The following CST6 variants were observed in gnomAD, a reference collection of about 807,000 sequenced individuals.
CST6 encodes cystatin-M.
A neutral mutation model predicts 10.7 loss-of-function variants in CST6; 8 were observed. The observed-to-expected ratio is 0.75, with a 90% CI of 0.44 to 1.34. The LOEUF (loss-of-function observed/expected upper bound fraction) is 1.34, where lower values mean the gene tolerates loss of function less well. Among genes scored for constraint, CST6 ranks in the 40% most tolerant of loss-of-function variants. CST6 has a pLI of 0.01. For synonymous variants in CST6, 100 were observed against 89.3 expected (o/e 1.12, Z -0.68); for missense variants, 206 against 205.1 (o/e 1.00, Z -0.03).
In CST6 at chr11:66,012,011, CACGGCTCTGAGGGCTCCG is replaced by C. The variant is rs750567188; in HGVS notation, c.-28_-11del. On this transcript the variant is annotated 5_prime_UTR_variant, in exon 1 of 3. Transcript: ENST00000312134. Reference sequence around the variant, plus strand: ...GCTGCGCGGCCGCAAGCTCGGCACTCACGGCTCTGAGGGCTCCGACGGCACTGACGGCCATGGCGCGTT... The same window carrying C: ...GCTGCGCGGCCGCAAGCTCGGCACTCACGGCACTGACGGCCATGGCGCGTT... 4.2e-5 allele frequency: 60 copies of C among 1,445,204 alleles called. No individual in the cohort carries two copies. The African/African-American group carries it at 7.1e-4, about 17-fold the overall frequency. 89.5% of individuals were successfully genotyped at this position (1,445,204 alleles called of 1,614,324 possible).
At position 66,013,361 on chromosome 11, in the gene CST6, C is replaced by T. The variant is rs375909485; in HGVS notation, c.411C>T (p.Asn137=). 26 of 1,614,088 alleles carry T rather than the reference C, an allele frequency of 1.6e-5. No homozygotes were observed. The highest frequency in any genetic ancestry group is 2.2e-5 in the Non-Finnish European group (26 of 1,180,030). Reference sequence around the variant, plus strand: ...AGGTCCTTGTGGTTCCCTGGCAGAACTCCTCTCAGCTCCTAAAGCACAACT... The same window carrying T: ...AGGTCCTTGTGGTTCCCTGGCAGAATTCCTCTCAGCTCCTAAAGCACAACT... ...DFEVLVVPWQ[N]SSQLLKHNCV... Residue 137 remains asparagine, a synonymous_variant, in exon 3 of 3, where the codon AAC becomes AAT. Coordinates refer to ENST00000312134, the MANE Select transcript of CST6 (RefSeq NM_001323.4).
Position 66,012,385 on chromosome 11 carries a change from G to T in CST6, c.240+101G>T, listed in dbSNP as rs949541273. ...GAAGGGGGCCTAAAAGCGCAATCGG[G>T]ATATTTTCATGCAATATTTTAAAAA... On this transcript the variant is annotated intron_variant, in intron 1 of 2. Transcript: ENST00000312134. 3.7e-6 allele frequency: 5 copies of T among 1,351,088 alleles called. No homozygotes were observed. The Admixed American group carries it at 1.1e-4, about 30-fold the overall frequency. 83.7% of individuals were successfully genotyped at this position (1,351,088 alleles called of 1,614,324 possible).
chr11:66,012,090 G>T lies in CST6; in HGVS notation c.46G>T (p.Ala16Ser). The T allele has an allele frequency of 2.6e-6, 4 of 1,567,016 alleles. No individual in the cohort carries two copies. Among genetic ancestry groups the T allele is most frequent in the Non-Finnish European group, 2.6e-6 (3 of 1,164,742 alleles). The change falls in exon 1 of 3, where the codon GCA (alanine) becomes TCA (serine). Residue 16 changes from alanine to serine, a missense_variant. Ala to Ser is a moderately conservative substitution (Grantham distance 99). Transcript: ENST00000312134. Reference sequence around the variant, plus strand: ...GCTGGCGCTGGGCCTGGCCCTGGTCGCATTCTGCCTCCTGGCGCTGCCACG... The same window carrying T: ...GCTGGCGCTGGGCCTGGCCCTGGTCTCATTCTGCCTCCTGGCGCTGCCACG... ...LPLALGLALV[A>S]FCLLALPRDA... is the part of the protein sequence containing the mutation.
Position 66,012,210 on chromosome 11 carries a change from G to A in CST6, c.166G>A (p.Val56Met). Residue 56 changes from valine to methionine, a missense_variant, in exon 1 of 3, where the codon GTG becomes ATG. Coordinates refer to ENST00000312134, the MANE Select transcript of CST6 (RefSeq NM_001323.4). ...GGTGCAGAAGGCGGCGCAGGCGGCC[G>A]TGGCCAGCTACAACATGGGCAGCAA... is the stretch of plus-strand genomic sequence containing the variant. ...PQVQKAAQAA[V>M]ASYNMGSNSI... is the part of the protein sequence containing the mutation. 1 of 1,593,288 alleles carries A rather than the reference G, an allele frequency of 6.3e-7. No individual in the cohort carries two copies. Among genetic ancestry groups the A allele is most frequent in the East Asian group, 2.3e-5 (1 of 44,038 alleles).
At position 66,012,056 on chromosome 11, in the gene CST6, G is replaced by A. The variant is rs993255608; in HGVS notation, c.12G>A (p.Ser4=). Residue 4 remains serine, a synonymous_variant, in exon 1 of 3, where the codon TCG becomes TCA. Coordinates refer to ENST00000312134, the MANE Select transcript of CST6 (RefSeq NM_001323.4). ...CGGCACTGACGGCCATGGCGCGTTC[G>A]AACCTCCCGCTGGCGCTGGGCCTGG... The part of the protein sequence containing the change: MAR[S]NLPLALGLAL... 1.9e-6 allele frequency: 3 copies of A among 1,559,982 alleles called. No individual in the cohort carries two copies. Among genetic ancestry groups the A allele is most frequent in the African/African-American group, 2.7e-5 (2 of 73,672 alleles).
chr11:66,013,133 G>A (rs749151918), intron 2 of CST6, 182 bp downstream of exon 2: 10 of 994,966 alleles, frequency 1.0e-5, no homozygotes, highest in Admixed American at 2.0e-5. Flanking sequence ...GGCTTCCCTC[G>A]GGAATGGGGA....
chr11:66,013,000 C>G, intron 2 of CST6, 49 bp downstream of exon 2: 1 of 1,604,556 alleles, frequency 6.2e-7, no homozygotes, highest in Non-Finnish European at 8.5e-7. Context: ...GCCTCAGGCA[C>G]TCAGGTTGTC....
In CST6 at chr11:66,012,855, G is replaced by T. The variant is rs775334459; in HGVS notation, c.270G>T (p.Thr90=). 4 of 1,609,770 alleles carry T rather than the reference G, an allele frequency of 2.5e-6. 1 individual carries two copies. The South Asian group carries it at 3.3e-5, about 13-fold the overall frequency. Residue 90 remains threonine, a synonymous_variant, in exon 2 of 3, where the codon ACG becomes ACT. Coordinates refer to ENST00000312134, the MANE Select transcript of CST6 (RefSeq NM_001323.4). ...TGGCCGGCATCAAGTACTTCCTGAC[G>T]ATGGAGATGGGGAGCACAGACTGCC... ...QLVAGIKYFL[T]MEMGSTDCRK...
chr11:66,012,822 C>G lies in CST6; in HGVS notation c.241-4C>G. The G allele has an allele frequency of 6.2e-7, 1 of 1,602,286 alleles. No homozygotes were observed. The highest frequency in any genetic ancestry group is 8.5e-7 in the Non-Finnish European group (1 of 1,171,390). On this transcript the variant is annotated splice_region_variant and splice_polypyrimidine_tract_variant and intron_variant, in intron 1 of 2. Transcript: ENST00000312134. ...CCTGACCTGCCCCTACCCTATGCCC[C>G]CAGCTGGTGGCCGGCATCAAGTACT...
chr11:66,012,410 A>G, intron 1 of CST6, 126 bp downstream of exon 1: 2 of 1,225,454 alleles, frequency 1.6e-6, no homozygotes, highest in Non-Finnish European at 2.2e-6. Context: ...TATTTTAAAA[A>G]TCGAATTAAT....
chr11:66,012,563 G>A (rs1856178874), intron 1 of CST6, among the ~76,000 whole-genome samples: 1 of 151,882 alleles, frequency 6.6e-6, no homozygotes, highest in African/African-American at 2.4e-5. Flanking sequence ...AGGCAGGTGG[G>A]GACAGTGGGC....
intron 1 of CST6, 38 bp downstream of exon 1, chr11:66,012,322 C>T (rs914742624): frequency 6.5e-7 from 1 of 1,549,178 alleles, no homozygotes; most frequent in Non-Finnish European, 8.8e-7. Context: ...ACACCCGGCC[C>T]AGATGGGGGA....
At chr11:66,013,063 C>G (rs1207235512) in intron 2 of CST6, 112 bp downstream of exon 2, 2 of 1,424,596 alleles carry the variant, frequency 1.4e-6, no homozygotes, top group Non-Finnish European at 1.9e-6. Flanking sequence ...CTGGCTGAAC[C>G]TGTCGTCCTT....
Position 66,012,802 on chromosome 11 carries a change from C to T in CST6, c.241-24C>T, listed in dbSNP as rs749346380. On this transcript the variant is annotated intron_variant, in intron 1 of 2. Coordinates refer to ENST00000312134, the MANE Select transcript of CST6 (RefSeq NM_001323.4). ...GAGGATCAAGGGTCAAGACCCCTGA[C>T]CTGCCCCTACCCTATGCCCCCAGCT... is the stretch of plus-strand genomic sequence containing the variant. 6.9e-6 allele frequency: 11 copies of T among 1,586,472 alleles called. No homozygotes were observed. The African/African-American group carries it at 1.3e-4, about 19-fold the overall frequency.
chr11:66,013,038 TA>T (rs1357078025), intron 2 of CST6, 87 bp downstream of exon 2: 2 of 1,484,140 alleles, frequency 1.3e-6, no homozygotes, highest in Non-Finnish European at 1.8e-6. Context: ...GCTGGACACG[TA>T]GATGTCTAGA....
rs373204470 is a variant in CST6, at chr11:66,013,416, G to A, written c.*16G>A. 21 of 1,608,646 alleles carry A rather than the reference G, an allele frequency of 1.3e-5. No homozygotes were observed. In the African/African-American group the frequency reaches 2.4e-4, roughly 18 times the overall value. ...GCAGATGTGATAAGTCCCCGAGGGC[G>A]AAGGCCATTGGGTTTGGGGCCATGG... On this transcript the variant is annotated 3_prime_UTR_variant, in exon 3 of 3. Coordinates refer to ENST00000312134, the MANE Select transcript of CST6 (RefSeq NM_001323.4).
chr11:66,012,772 G>A (rs72930985), intron 1 of CST6, 54 bp from the exon 2 acceptor site: 47,123 of 1,533,724 alleles, frequency 0.031, 1,254 homozygotes, highest in East Asian at 0.15. Context: ...CAAGAGGTGA[G>A]AAGTGAGGAT....
At chr11:66,012,354 G>T (rs190751510) in intron 1 of CST6, 70 bp downstream of exon 1, 1 of 1,482,514 alleles carries the variant, frequency 6.7e-7, no homozygotes, top group East Asian at 2.4e-5. Flanking sequence ...CTGCCCCAGC[G>T]TGCATGAAGG....
Position 66,012,014 on chromosome 11 carries a change from G to A in CST6, c.-31G>A, listed in dbSNP as rs1395023936. 6.9e-7 allele frequency: 1 copy of A among 1,448,886 alleles called. No homozygotes were observed. Among genetic ancestry groups the A allele is most frequent in the Non-Finnish European group, 9.0e-7 (1 of 1,108,054 alleles). The allele number at this position is 1,448,886 out of a possible 1,614,324, so 89.8% of individuals were successfully genotyped here. On this transcript the variant is annotated 5_prime_UTR_variant, in exon 1 of 3. Coordinates refer to ENST00000312134, the MANE Select transcript of CST6 (RefSeq NM_001323.4). ...GCGCGGCCGCAAGCTCGGCACTCACGGCTCTGAGGGCTCCGACGGCACTGA... is the reference window on the plus strand; with the variant it reads ...GCGCGGCCGCAAGCTCGGCACTCACAGCTCTGAGGGCTCCGACGGCACTGA...
Sources: allele counts gnomAD v4.1 joint callset (sites outside exome capture counted in the v4.1 genomes callset), GRCh38; gene constraint gnomAD v4.1.1; transcripts MANE v1.5; gene names NCBI Gene and HGNC (gene_info 2026-07-23, HGNC 2026-07-21).